Variants in SIPA1L1 observed in about 807,000 individuals in gnomAD.
The protein encoded by SIPA1L1 is signal induced proliferation associated 1 like 1.
SIPA1L1 carries 26 observed loss-of-function variants against 162.7 expected under a neutral mutation model. The ratio of observed to expected loss-of-function variants is 0.16; its 90% confidence interval spans 0.12 to 0.22. SIPA1L1 has a LOEUF of 0.22. Among genes scored for constraint, SIPA1L1 ranks in the 10% least tolerant of loss-of-function variants. SIPA1L1 has a pLI of 1.00. For synonymous variants in SIPA1L1, 829 were observed against 837.4 expected, an observed-to-expected ratio of 0.99 and a Z score of 0.17; for missense variants, 1,874 against 2,241.0, an observed-to-expected ratio of 0.84 and a Z score of 3.31.
intron 4 of SIPA1L1, among the ~76,000 whole-genome samples, chr14:71,584,156 G>A (rs2034296445): frequency 6.6e-6 from 1 of 152,178 alleles, no homozygotes; most frequent in Non-Finnish European, 1.5e-5. Context: ...TAAAGACTGA[G>A]TAGTGGGCAA....
intron 4 of SIPA1L1, among the ~76,000 whole-genome samples, chr14:71,539,758 A>G (rs1408654375): frequency 1.1e-4 from 16 of 152,174 alleles, no homozygotes; most frequent in Non-Finnish European, 1.8e-4. Flanking sequence ...AGCTCTTCCC[A>G]TGGAGAGATG....
At chr14:71,702,164 C>A in intron 14 of SIPA1L1, 1 of 489,904 alleles carries the variant, frequency 2.0e-6, no homozygotes, top group African/African-American at 2.0e-5. Flanking sequence ...GTTTACATAG[C>A]ATGCATACCT....
chr14:71,458,774 C>T (rs1186274741), intron 2 of SIPA1L1, among the ~76,000 whole-genome samples: 1 of 151,978 alleles, frequency 6.6e-6, no homozygotes, highest in Non-Finnish European at 1.5e-5. Context: ...GTGTCTGAGG[C>T]TAAGGAGAAT....
intron 8 of SIPA1L1, among the ~76,000 whole-genome samples, chr14:71,652,381 T>C (rs541862273): frequency 6.6e-6 from 1 of 152,222 alleles, no homozygotes; most frequent in Non-Finnish European, 1.5e-5. Context: ...TCTAACTTTA[T>C]GTTGTGTCAA....
Position 71,739,852 on chromosome 14 carries a change from T to A in SIPA1L1, c.*691T>A, listed in dbSNP as rs2085635792. 1.3e-5 allele frequency: 2 copies of A among 152,230 alleles called. No homozygotes were observed. The highest frequency in any genetic ancestry group is 2.4e-5 in the African/African-American group (1 of 41,454). 9.4% of individuals were successfully genotyped at this position (152,230 alleles called of 1,614,324 possible). On this transcript the variant is annotated 3_prime_UTR_variant, in exon 24 of 24. Transcript: ENST00000381232. Reference sequence around the variant, plus strand: ...CCTGCATTGTGAGGTCATTTCCTGCTTCTCCCTTTCCCCAGGAAGATGGTC... The same window carrying A: ...CCTGCATTGTGAGGTCATTTCCTGCATCTCCCTTTCCCCAGGAAGATGGTC...
chr14:71,543,965 A>G (rs959467187), intron 4 of SIPA1L1, among the ~76,000 whole-genome samples: 10 of 150,216 alleles, frequency 6.7e-5, no homozygotes, highest in Admixed American at 1.3e-4. Context: ...ACATGTATGT[A>G]TATATACACA....
At chr14:71,469,430 C>T (rs1221764164) in intron 2 of SIPA1L1, among the ~76,000 whole-genome samples, 1 of 152,182 alleles carries the variant, frequency 6.6e-6, no homozygotes, top group African/African-American at 2.4e-5. Flanking sequence ...CCCCTTCCCC[C>T]ACATTATGAC....
intron 13 of SIPA1L1, among the ~76,000 whole-genome samples, chr14:71,695,222 A>G (rs571157042): frequency 1.3e-5 from 2 of 152,342 alleles, no homozygotes; most frequent in Admixed American, 1.3e-4. Flanking sequence ...TTTGCCTACC[A>G]TACATACATC....
intron 2 of SIPA1L1, among the ~76,000 whole-genome samples, chr14:71,417,500 A>AAAAAAAAC (rs1566996062): frequency 6.8e-6 from 1 of 146,410 alleles, no homozygotes; most frequent in African/African-American, 2.5e-5. Flanking sequence ...AAAAAAAAAA[A>AAAAAAAAC]AAAGAAAATC....
chr14:71,542,503 GTCGTCCTTCCTCTTCCTCCTCC>G (rs1424344488), intron 4 of SIPA1L1, among the ~76,000 whole-genome samples: 1 of 134,418 alleles, frequency 7.4e-6, no homozygotes, highest in Non-Finnish European at 1.6e-5. Context: ...TCTTCTCCTC[GTCGTCCTTCCTCTTCCTCCTCC>G]TCCTCTTCCT....
intron 2 of SIPA1L1, among the ~76,000 whole-genome samples, chr14:71,349,388 A>G (rs529539278): frequency 6.6e-6 from 1 of 152,286 alleles, no homozygotes; most frequent in African/African-American, 2.4e-5. Flanking sequence ...CATGCTTCAC[A>G]TAGAAGGCAG....
At chr14:71,502,243 A>G (rs1462547063) in intron 2 of SIPA1L1, among the ~76,000 whole-genome samples, 6 of 61,474 alleles carry the variant, frequency 9.8e-5, no homozygotes, top group African/African-American at 2.9e-4. Flanking sequence ...GAGATACTTG[A>G]AAAAAAAAAA....
Position 71,588,845 on chromosome 14 carries a change from T to A in SIPA1L1, c.973T>A (p.Trp325Arg), listed in dbSNP as rs767353571. The part of the protein sequence containing the change: ...DNRSEDSVRP[W>R]TCPKCFAHYD... Reference sequence around the variant, plus strand: ...CCGATCAGAAGACTCTGTCAGGCCCTGGACATGTCCAAAGTGCTTTGCCCA... The same window carrying A: ...CCGATCAGAAGACTCTGTCAGGCCCAGGACATGTCCAAAGTGCTTTGCCCA... The change falls in exon 5 of 24, where the codon TGG becomes AGG. Residue 325 changes from tryptophan to arginine, a missense_variant. Physicochemically the swap from Trp to Arg is moderately radical, Grantham distance 101. This residue lies in a region of SIPA1L1 where 685 missense variants were observed against 828.0 expected (regional missense o/e 0.83). Transcript: ENST00000381232. The surrounding 1 kb of genome is among the most constrained non-coding windows in gnomAD (Gnocchi z 4.3). 1.2e-6 allele frequency: 2 copies of A among 1,614,142 alleles called. No homozygotes were observed. Among genetic ancestry groups the A allele is most frequent in the Non-Finnish European group, 1.7e-6 (2 of 1,179,992 alleles).
At chr14:71,634,558 A>G (rs1401082143) in intron 7 of SIPA1L1, among the ~76,000 whole-genome samples, 1 of 152,120 alleles carries the variant, frequency 6.6e-6, no homozygotes, top group Non-Finnish European at 1.5e-5. Flanking sequence ...GTGTTCAGGG[A>G]GAATATCCTT....
intron 7 of SIPA1L1, among the ~76,000 whole-genome samples, chr14:71,643,332 G>C (rs2041890643): frequency 6.6e-6 from 1 of 152,178 alleles, no homozygotes; most frequent in South Asian, 2.1e-4. Flanking sequence ...GAGAAATCCA[G>C]AAGAAAGCAT....
At chr14:71,428,289 G>T (rs1388120287) in intron 2 of SIPA1L1, among the ~76,000 whole-genome samples, 2 of 151,826 alleles carry the variant, frequency 1.3e-5, no homozygotes, top group African/African-American at 4.8e-5. Context: ...GAGCAACCAT[G>T]CCTGGCTGAA....
At chr14:71,538,544 C>A (rs1037362797) in intron 4 of SIPA1L1, among the ~76,000 whole-genome samples, 1 of 152,342 alleles carries the variant, frequency 6.6e-6, no homozygotes, top group African/African-American at 2.4e-5. Context: ...TCAGATCTCT[C>A]TGTCCTTATT....
In SIPA1L1 at chr14:71,331,864, C is replaced by CA. The variant is rs1278851311; in HGVS notation, c.-465+10690dup. Among the ~76,000 whole-genome samples, 4 of 151,852 alleles carry CA rather than the reference C, an allele frequency of 2.6e-5. No homozygotes were observed. In the East Asian group the frequency reaches 7.7e-4, roughly 29 times the overall value. On this transcript the variant is annotated intron_variant, in intron 2 of 23. Transcript: ENST00000381232. ...TAAAAAATGAAAACAAAAACAAAAA[C>CA]AAAAAAACAGAAAACTGATCTGGCT... is the stretch of plus-strand genomic sequence containing the variant.
intron 4 of SIPA1L1, among the ~76,000 whole-genome samples, chr14:71,533,254 A>G (rs1038593838): frequency 3.9e-5 from 6 of 152,256 alleles, no homozygotes; most frequent in African/African-American, 1.4e-4. Context: ...TTTACTTTAT[A>G]ACAAGACTTT....
Sources: gnomAD v4.1 joint callset for allele counts (sites outside exome capture counted in the v4.1 genomes callset) on GRCh38, gnomAD v4.1.1 for gene constraint, gnomAD v4.1.1 regional missense constraint, Gnocchi (gnomAD v3.1) non-coding constraint, MANE v1.5 for transcripts, NCBI Gene and HGNC (gene_info 2026-07-23, HGNC 2026-07-21) for gene names.